MTSS1: variants seen among roughly 807,000 people sequenced by gnomAD.
MTSS1 encodes the protein protein MTSS 1.
MTSS1 carries 18 observed loss-of-function variants against 79.0 expected under a neutral mutation model. The observed-to-expected ratio is 0.23, with a 90% CI of 0.16 to 0.34. MTSS1 has a LOEUF of 0.34. Ranked by LOEUF, MTSS1 falls within the 10% of genes least tolerant of loss-of-function variation. MTSS1 has a pLI of 1.00. For missense variants in MTSS1, 815 were observed against 986.2 expected (o/e 0.83, Z 2.33); for synonymous variants, 341 against 368.6 (o/e 0.93, Z 0.86).
chr8:124,662,130 C>T (rs917668166), intron 3 of MTSS1, among the ~76,000 whole-genome samples: 13 of 152,160 alleles, frequency 8.5e-5, no homozygotes, highest in African/African-American at 2.2e-4. Flanking sequence ...TGTGCTACAA[C>T]GTTCCAGGGG....
In MTSS1 at chr8:124,582,690, A is replaced by G. The variant is rs543052339; in HGVS notation, c.460+2397T>C. 6.6e-6 allele frequency among the ~76,000 whole-genome samples: 1 copy of G among 152,274 alleles called. No homozygotes were observed. Among genetic ancestry groups the G allele is most frequent in the South Asian group, 2.1e-4 (1 of 4,824 alleles). On this transcript the variant is annotated intron_variant, in intron 6 of 13. Transcript: ENST00000518547. The surrounding 1 kb of genome is among the most constrained non-coding windows in gnomAD (Gnocchi z 4.8). ...TGGTGCGTCAGAAGGAACTGCTAACACTTTTACAAACCGAGGGTCCGGGAA... is the reference window on the plus strand; with the variant it reads ...TGGTGCGTCAGAAGGAACTGCTAACGCTTTTACAAACCGAGGGTCCGGGAA...
At chr8:124,558,031 G>A (rs1824393848) in intron 10 of MTSS1, 156 bp from the exon 11 acceptor site, 6 of 619,630 alleles carry the variant, frequency 9.7e-6, no homozygotes, top group Admixed American at 6.2e-5. Context: ...CGGATGATCT[G>A]TGATGCAAGA....
rs572463294 is a variant in MTSS1, at chr8:124,563,120, G to A, written c.825-128C>T. On this transcript the variant is annotated intron_variant, in intron 9 of 13. Transcript: ENST00000518547. ...AGAGAAGCACAACATAATGCAATTA[G>A]CTCTCTGCCCTGGAGATGCAGTGCA... 3.5e-5 allele frequency: 27 copies of A among 775,206 alleles called. No individual in the cohort carries two copies. In the Admixed American group the frequency reaches 6.6e-4, roughly 19 times the overall value. 48.0% of individuals were successfully genotyped at this position (775,206 alleles called of 1,614,324 possible). A position where few individuals can be genotyped will look rare whatever the true frequency, so the allele number is the denominator to read the frequency against.
At chr8:124,566,959 G>C (rs1173012628) in intron 8 of MTSS1, 112 bp downstream of exon 8, 2 of 766,100 alleles carry the variant, frequency 2.6e-6, no homozygotes, top group Non-Finnish European at 4.4e-6. Context: ...CATGAAGGAC[G>C]TGGTGAATAT....
At chr8:124,567,894 T>C (rs527957101) in intron 7 of MTSS1, 3 of 1,430,110 alleles carry the variant, frequency 2.1e-6, no homozygotes, top group Non-Finnish European at 9.2e-7. Context: ...AATGATTTCC[T>C]TAAAAATTAA....
intron 3 of MTSS1, among the ~76,000 whole-genome samples, chr8:124,598,015 A>G (rs1833063590): frequency 1.3e-5 from 2 of 152,314 alleles, no homozygotes; most frequent in Middle Eastern, 3.4e-3. Context: ...GGCCATGCCT[A>G]TAATCCCAAC....
At chr8:124,684,126 G>A (rs1372130516) in intron 3 of MTSS1, among the ~76,000 whole-genome samples, 1 of 152,132 alleles carries the variant, frequency 6.6e-6, no homozygotes, top group African/African-American at 2.4e-5. Flanking sequence ...CTAGACGAAT[G>A]AACTGTAAGC....
chr8:124,568,504 C>T lies in MTSS1; in HGVS notation c.493G>A (p.Ala165Thr). ...TACTTATCATTGACATCTTGGAGAG[C>T]ACTGTCCAACTGAGGCTGGATATCA... is the stretch of plus-strand genomic sequence containing the variant. ...RGDIQPQLDS[A>T]LQDVNDKYLL... The change falls in exon 7 of 14, where the codon GCT becomes ACT. Residue 165 changes from alanine to threonine, a missense_variant. Physicochemically the swap from Ala to Thr is moderately conservative, Grantham distance 58. Coordinates refer to ENST00000518547, the MANE Select transcript of MTSS1 (RefSeq NM_014751.6). 6.2e-7 allele frequency: 1 copy of T among 1,614,162 alleles called. No individual in the cohort carries two copies. The highest frequency in any genetic ancestry group is 8.5e-7 in the Non-Finnish European group (1 of 1,180,022).
chr8:124,574,188 G>A (rs4531038), intron 6 of MTSS1, among the ~76,000 whole-genome samples: 36,542 of 151,782 alleles, frequency 0.24, 4,682 homozygotes, highest in South Asian at 0.28. Context: ...TAAGTGATCT[G>A]CCTGCCTCGG....
chr8:124,595,741 T>C (rs1335809416), intron 3 of MTSS1, among the ~76,000 whole-genome samples: 1 of 152,098 alleles, frequency 6.6e-6, no homozygotes, highest in Admixed American at 6.5e-5. Context: ...AACGTGGACA[T>C]CTTTGGGGCA....
chr8:124,708,183 C>T (rs751729254), intron 1 of MTSS1, among the ~76,000 whole-genome samples: 68 of 152,290 alleles, frequency 4.5e-4, no homozygotes, highest in Admixed American at 4.3e-3. Context: ...ATTTGCTATG[C>T]GACACTGGGC....
At chr8:124,634,594 C>G (rs1189083413) in intron 3 of MTSS1, among the ~76,000 whole-genome samples, 1 of 152,122 alleles carries the variant, frequency 6.6e-6, no homozygotes, top group East Asian at 1.9e-4. Flanking sequence ...ACTCCTCACC[C>G]TAAGGGGTTA....
rs79086117 is a variant in MTSS1 at position 124,582,748 on chromosome 8, C to G, written c.460+2339G>C. Among the ~76,000 whole-genome samples the G allele has an allele frequency of 6.6e-6, 1 of 152,190 alleles. No individual in the cohort carries two copies. Among genetic ancestry groups the G allele is most frequent in the Middle Eastern group, 3.2e-3 (1 of 316 alleles). On this transcript the variant is annotated intron_variant, in intron 6 of 13. Transcript: ENST00000518547. This position sits in a 1 kb window ranked among gnomAD's most constrained non-coding sequence, Gnocchi z 4.8. The stretch of plus-strand genomic sequence containing the variant: ...CTTGAAGGAGATGAAACAGATCCCT[C>G]GAGGTGTTCTAGTAGAAAGGGAAAT...
chr8:124,557,798 A>G lies in MTSS1; in HGVS notation c.1113T>C (p.His371=), dbSNP rs1214084828. 3 of 1,598,150 alleles carry G rather than the reference A, an allele frequency of 1.9e-6. No individual in the cohort carries two copies. Among genetic ancestry groups the G allele is most frequent in the Admixed American group, 1.7e-5 (1 of 58,574 alleles). The part of the protein sequence containing the change: ...VGPTGAGLFP[H]CLPASRLLPR... ...GGAGCAGGCGGGAGGCAGGCAGGCAATGAGGGAAAAGGCCTGCACCCGTGG... is the reference window on the plus strand; with the variant it reads ...GGAGCAGGCGGGAGGCAGGCAGGCAGTGAGGGAAAAGGCCTGCACCCGTGG... The change falls in exon 11 of 14, where the codon CAT becomes CAC. Residue 371 remains histidine (H), a synonymous_variant. Coordinates refer to ENST00000518547, the MANE Select transcript of MTSS1 (RefSeq NM_014751.6).
intron 1 of MTSS1, among the ~76,000 whole-genome samples, chr8:124,725,924 G>A (rs1833627133): frequency 6.6e-6 from 1 of 151,860 alleles, no homozygotes; most frequent in South Asian, 2.1e-4. Context: ...AGAACCCAAG[G>A]CATGTTTTAG....
At chr8:124,651,116 G>A (rs1342805050) in intron 3 of MTSS1, among the ~76,000 whole-genome samples, 1 of 152,126 alleles carries the variant, frequency 6.6e-6, no homozygotes, top group African/African-American at 2.4e-5. Context: ...AAAGCTTCAG[G>A]CCACTTTTTG....
chr8:124,661,866 C>A (rs1421538160), intron 3 of MTSS1, among the ~76,000 whole-genome samples: 5 of 152,208 alleles, frequency 3.3e-5, no homozygotes, highest in African/African-American at 4.8e-5. Context: ...ATTTCTGACT[C>A]CCCTTAGACT....
chr8:124,654,847 T>G (rs1820644851), intron 3 of MTSS1, among the ~76,000 whole-genome samples: 1 of 152,224 alleles, frequency 6.6e-6, no homozygotes. Context: ...TTCTGTCTAC[T>G]TTAGCAAAGA....
chr8:124,651,383 G>T (rs1288869470), intron 3 of MTSS1, among the ~76,000 whole-genome samples: 182 of 149,620 alleles, frequency 1.2e-3, no homozygotes, highest in African/African-American at 4.5e-3. Context: ...AGCACACACA[G>T]CACAATCATA....
Sources: allele counts gnomAD v4.1 joint callset (sites outside exome capture counted in the v4.1 genomes callset), GRCh38; gene constraint gnomAD v4.1.1; non-coding constraint Gnocchi (gnomAD v3.1); transcripts MANE v1.5; gene names NCBI Gene and HGNC (gene_info 2026-07-23, HGNC 2026-07-21).